Variants in PTP4A1 observed in about 807,000 individuals in gnomAD.
The protein encoded by PTP4A1 is protein tyrosine phosphatase 4A1, also known as protein tyrosine phosphatase type IVA 1.
In PTP4A1, 9 loss-of-function variants were observed where a neutral mutation model predicts 20.5. The observed-to-expected ratio is 0.44, with a 90% CI of 0.26 to 0.77. The LOEUF is 0.77. Among genes scored for constraint, PTP4A1 ranks in the 30% least tolerant of loss-of-function variants. The pLI is 0.19. For missense variants in PTP4A1, 137 were observed against 218.8 expected (o/e 0.63, Z 2.36); for synonymous variants, 78 against 67.4 (o/e 1.16, Z -0.77).
At chr6:63,522,837 T>C (rs1482912749) in intron 1 of PTP4A1, among the ~76,000 whole-genome samples, 1 of 151,300 alleles carries the variant, frequency 6.6e-6, no homozygotes, top group East Asian at 1.9e-4. Flanking sequence ...GGTCGTGAAA[T>C]GATCCCCTTT....
chr6:63,562,001 G>GA (rs919645529), intron 3 of PTP4A1, among the ~76,000 whole-genome samples: 26 of 150,914 alleles, frequency 1.7e-4, no homozygotes, highest in African/African-American at 5.6e-4. Flanking sequence ...ATCATTTTTG[G>GA]AAAAAAAATA....
intron 3 of PTP4A1, among the ~76,000 whole-genome samples, chr6:63,564,275 C>CAA (rs35998260): frequency 2.1e-5 from 2 of 95,644 alleles, no homozygotes; most frequent in Non-Finnish European, 4.6e-5. Flanking sequence ...GACTCTGTCT[C>CAA]AAAAAAAAAA....
chr6:63,575,731 A>T (rs1247519662), intron 1 of PTP4A1, among the ~76,000 whole-genome samples: 1 of 152,184 alleles, frequency 6.6e-6, no homozygotes, highest in Non-Finnish European at 1.5e-5. Flanking sequence ...TTTTAGATTC[A>T]TAAGCATACA....
rs888682105 is a variant in PTP4A1 at position 63,576,805 on chromosome 6, T to C, written c.-76T>C. 19 of 1,205,802 alleles carry C rather than the reference T, an allele frequency of 1.6e-5. No individual in the cohort carries two copies. The highest frequency in any genetic ancestry group is 1.5e-4 in the Admixed American group (7 of 47,674). 74.7% of individuals were successfully genotyped at this position (1,205,802 alleles called of 1,614,324 possible). On this transcript the variant is annotated 5_prime_UTR_variant, in exon 2 of 6. Transcript: ENST00000626021. ...TGGAGTATATTGAAGTAGACTTCAGTTTCTTTGCATCATTTCTGTATTCAA... is the reference window on the plus strand; with the variant it reads ...TGGAGTATATTGAAGTAGACTTCAGCTTCTTTGCATCATTTCTGTATTCAA...
upstream of PTP4A1, among the ~76,000 whole-genome samples, chr6:63,519,278 G>C (rs1443414338): frequency 6.6e-6 from 1 of 151,974 alleles, no homozygotes; most frequent in Non-Finnish European, 1.5e-5. Flanking sequence ...TTGCACTCCA[G>C]CCTGGGTGAC....
intron 2 of PTP4A1, among the ~76,000 whole-genome samples, chr6:63,542,412 A>G (rs1776021227): frequency 6.6e-6 from 1 of 152,020 alleles, no homozygotes; most frequent in East Asian, 1.9e-4. Flanking sequence ...CTGTTCCCCA[A>G]TAACCTATGG....
intron 5 of PTP4A1, 109 bp from the exon 6 acceptor site, chr6:63,579,948 T>A: frequency 1.3e-6 from 1 of 767,802 alleles, no homozygotes; most frequent in Non-Finnish European, 2.2e-6. Flanking sequence ...ACAGCCTAAT[T>A]AATCAAAAGA....
intron 2 of PTP4A1, among the ~76,000 whole-genome samples, chr6:63,548,118 A>G (rs1250256934): frequency 1.3e-5 from 2 of 152,148 alleles, no homozygotes; most frequent in Non-Finnish European, 2.9e-5. Context: ...TCTTCATGAA[A>G]GCCTTTTTTG....
intron 3 of PTP4A1, among the ~76,000 whole-genome samples, chr6:63,558,196 G>A (rs191818429): frequency 1.6e-3 from 241 of 152,050 alleles, no homozygotes; most frequent in Admixed American, 2.5e-3. Flanking sequence ...AATGCAGGGT[G>A]GATTAAATGG....
intron 1 of PTP4A1, among the ~76,000 whole-genome samples, chr6:63,523,339 C>A (rs1439017942): frequency 6.6e-6 from 1 of 151,940 alleles, no homozygotes; most frequent in Non-Finnish European, 1.5e-5. Flanking sequence ...TCGAGACTAG[C>A]CTGGCCAACA....
Position 63,558,728 on chromosome 6 carries a change from T to C in PTP4A1, c.-446+8235T>C, listed in dbSNP as rs138663226. 1.4e-3 allele frequency among the ~76,000 whole-genome samples: 210 copies of C among 152,264 alleles called. 2 individuals carry two copies. In the East Asian group the frequency reaches 0.036, roughly 26 times the overall value. On this transcript the variant is annotated intron_variant, in intron 3 of 3. Transcript: ENST00000639568. ...AGAAGTCCTCTAAGTAAGTCTGAAA[T>C]TGTAAAGTGTATAAGAATGACAGAG...
At chr6:63,529,995 T>C (rs1775383483) in intron 2 of PTP4A1, among the ~76,000 whole-genome samples, 1 of 152,186 alleles carries the variant, frequency 6.6e-6, no homozygotes, top group African/African-American at 2.4e-5. Context: ...TTTATAGAGT[T>C]ATGAGTAATA....
At chr6:63,574,554 T>C (rs1777725536) in intron 1 of PTP4A1, among the ~76,000 whole-genome samples, 1 of 152,202 alleles carries the variant, frequency 6.6e-6, no homozygotes, top group African/African-American at 2.4e-5. Flanking sequence ...TATAGTTCTT[T>C]CTCTGCTTCC....
intron 3 of PTP4A1, among the ~76,000 whole-genome samples, chr6:63,558,786 A>C (rs962366826): frequency 3.0e-4 from 45 of 152,138 alleles, no homozygotes; most frequent in African/African-American, 9.9e-4. Context: ...AAATACCAAC[A>C]CCTATAGGGC....
intron 1 of PTP4A1, among the ~76,000 whole-genome samples, chr6:63,521,980 C>G (rs945437023): frequency 6.6e-6 from 1 of 152,202 alleles, no homozygotes. Flanking sequence ...AGGGCACACA[C>G]TCATTTAGTG....
At position 63,529,185 on chromosome 6, in the gene PTP4A1, A is replaced by G. The variant is rs192779535; in HGVS notation, c.-640+1101A>G. Among the ~76,000 whole-genome samples the G allele has an allele frequency of 4.0e-3, 595 of 147,050 alleles. 9 individuals are homozygous for G. Among genetic ancestry groups the G allele is most frequent in the African/African-American group, 0.014 (571 of 40,122 alleles). ...TGTGTATATATATATATGTATATAT[A>G]TGTGTGTATATATATATATGTATAT... On this transcript the variant is annotated intron_variant, in intron 2 of 3. Coordinates refer to the PTP4A1 transcript ENST00000639568.
At chr6:63,541,661 A>G (rs1223437158) in intron 2 of PTP4A1, among the ~76,000 whole-genome samples, 1 of 152,132 alleles carries the variant, frequency 6.6e-6, no homozygotes, top group East Asian at 1.9e-4. Flanking sequence ...TGAACTTACC[A>G]TATATTTCAC....
At chr6:63,575,830 G>A (rs1221677531) in intron 1 of PTP4A1, among the ~76,000 whole-genome samples, 3 of 152,028 alleles carry the variant, frequency 2.0e-5, no homozygotes, top group Non-Finnish European at 2.9e-5. Flanking sequence ...GATTGTTAAG[G>A]ATAAAGTGAG....
rs892038961 is a variant in PTP4A1 at position 63,572,572 on chromosome 6, C to CCCGCCGCCGCCTGCATCG, written c.-587_-570dup. The CCCGCCGCCGCCTGCATCG allele has an allele frequency of 1.2e-4, 49 of 413,554 alleles. No individual in the cohort carries two copies. In the East Asian group the frequency reaches 1.2e-3, roughly 10 times the overall value. The allele number at this position is 413,554 out of a possible 1,614,324, so 25.6% of individuals were successfully genotyped here. ...TCACTGCATGGTAGAGTCTGGTGCC[C>CCCGCCGCCGCCTGCATCG]CCGCCGCCGCCTGCATCGCCGCCAC... On this transcript the variant is annotated 5_prime_UTR_variant, in exon 1 of 6. Coordinates refer to ENST00000626021, the MANE Select transcript of PTP4A1 (RefSeq NM_003463.5).
Sources: allele counts gnomAD v4.1 joint callset (sites outside exome capture counted in the v4.1 genomes callset), GRCh38; gene constraint gnomAD v4.1.1; transcripts MANE v1.5; gene names NCBI Gene and HGNC (gene_info 2026-07-23, HGNC 2026-07-21).